Variants in PTPRN2 observed in about 807,000 individuals in gnomAD.
PTPRN2 encodes receptor-type tyrosine-protein phosphatase N2.
Under a neutral mutation model 118.8 loss-of-function variants are expected in PTPRN2, and 74 were observed. The observed-to-expected ratio is 0.62, with a 90% CI of 0.52 to 0.76. PTPRN2 has a LOEUF of 0.76. PTPRN2 is among the 30% of genes least tolerant of loss of function. The probability of loss-of-function intolerance (pLI) is 0.00; values close to 1 mark genes in which losing one functional copy is unlikely to be tolerated. For missense variants in PTPRN2, 1,481 were observed against 1,394.4 expected (o/e 1.06, Z -0.99); for synonymous variants, 641 against 608.0 (o/e 1.05, Z -0.80).
chr7:157,985,766 G>A (rs937477868), intron 11 of PTPRN2, among the ~76,000 whole-genome samples: 2 of 152,200 alleles, frequency 1.3e-5, no homozygotes, highest in Non-Finnish European at 2.9e-5. Context: ...CCTGAGGGAG[G>A]TGCACGGAAA....
chr7:158,449,779 T>C (rs745881285), intron 2 of PTPRN2, among the ~76,000 whole-genome samples: 2 of 152,228 alleles, frequency 1.3e-5, no homozygotes, highest in Non-Finnish European at 2.9e-5. Context: ...GACCCTTAGT[T>C]CATTCACAAT....
intron 2 of PTPRN2, among the ~76,000 whole-genome samples, chr7:158,445,970 C>T (rs1460430300): frequency 6.6e-6 from 1 of 152,180 alleles, no homozygotes; most frequent in African/African-American, 2.4e-5. Context: ...CCAGGACACT[C>T]AGCATGAGCA....
chr7:157,879,827 C>T (rs1009138055), intron 12 of PTPRN2, among the ~76,000 whole-genome samples: 2 of 136,278 alleles, frequency 1.5e-5, no homozygotes, highest in African/African-American at 2.8e-5. Flanking sequence ...TTAGATGAAA[C>T]GTCTTTGTTA....
intron 13 of PTPRN2, among the ~76,000 whole-genome samples, chr7:157,679,815 C>G (rs1011905504): frequency 1.3e-5 from 2 of 152,130 alleles, no homozygotes; most frequent in Admixed American, 1.3e-4. Context: ...CCCCCCAGGT[C>G]ACGCGGGAAG....
At chr7:158,355,213 G>T (rs1808295967) in intron 2 of PTPRN2, among the ~76,000 whole-genome samples, 1 of 152,180 alleles carries the variant, frequency 6.6e-6, no homozygotes, top group African/African-American at 2.4e-5. Flanking sequence ...ATCGAATGGG[G>T]CACTAAGAGG....
At chr7:158,169,200 C>T (rs973863152) in intron 5 of PTPRN2, among the ~76,000 whole-genome samples, 1 of 152,042 alleles carries the variant, frequency 6.6e-6, no homozygotes, top group African/African-American at 2.4e-5. Flanking sequence ...TGAGTAGCAA[C>T]CTGGGAGTTG....
intron 3 of PTPRN2, among the ~76,000 whole-genome samples, chr7:158,211,384 T>A (rs997658237): frequency 6.6e-6 from 1 of 151,996 alleles, no homozygotes; most frequent in African/African-American, 2.4e-5. Context: ...TGAAAAAACC[T>A]CTGCACAGCA....
At position 158,565,246 on chromosome 7, in the gene PTPRN2, G is replaced by T. The variant is rs1039875865; in HGVS notation, c.112+22312C>A. Among the ~76,000 whole-genome samples, 1 of 152,114 alleles carries T rather than the reference G, an allele frequency of 6.6e-6. No homozygotes were observed. Among genetic ancestry groups the T allele is most frequent in the Non-Finnish European group, 1.5e-5 (1 of 68,032 alleles). On this transcript the variant is annotated intron_variant, in intron 1 of 22. Transcript: ENST00000389418. The surrounding 1 kb of genome is among the most constrained non-coding windows in gnomAD (Gnocchi z 4.6). ...CTGCAATCTATACAGGCATATTTGT[G>T]GCTACATAAACATAGATTATCAGAA...
chr7:158,553,411 C>G (rs1436761707), intron 1 of PTPRN2, among the ~76,000 whole-genome samples: 1 of 151,264 alleles, frequency 6.6e-6, no homozygotes, highest in Non-Finnish European at 1.5e-5. Flanking sequence ...CCCTTATACA[C>G]ACACAGGCTT....
intron 5 of PTPRN2, among the ~76,000 whole-genome samples, chr7:158,187,386 G>A (rs1246524679): frequency 2.6e-5 from 4 of 152,144 alleles, no homozygotes; most frequent in African/African-American, 9.7e-5. Context: ...TTCAAAGATC[G>A]TCAGTATATA....
chr7:157,857,678 T>C (rs1329171416), intron 12 of PTPRN2: 1 of 152,308 alleles, frequency 6.6e-6, no homozygotes, highest in Non-Finnish European at 1.5e-5. Flanking sequence ...AGTAGAAAAG[T>C]TCACACAGCA....
At chr7:157,846,110 G>A (rs559642799) in intron 12 of PTPRN2, among the ~76,000 whole-genome samples, 318 of 152,188 alleles carry the variant, frequency 2.1e-3, no homozygotes, top group African/African-American at 7.3e-3. Flanking sequence ...GCCAGGAAGC[G>A]AGATTCACGG....
chr7:157,789,714 G>C (rs1804314873), intron 12 of PTPRN2, among the ~76,000 whole-genome samples: 1 of 148,068 alleles, frequency 6.8e-6, no homozygotes, highest in Non-Finnish European at 1.5e-5. Flanking sequence ...GGTGTGTGTG[G>C]TATGGTGTGT....
chr7:158,360,794 C>T (rs1201288767), intron 2 of PTPRN2, among the ~76,000 whole-genome samples: 4 of 1,030 alleles, frequency 3.9e-3, no homozygotes, highest in African/African-American at 0.015. Flanking sequence ...TCACCCAGGA[C>T]GACGCACAGA....
chr7:157,827,362 C>CTACAACACAA (rs147019716), intron 12 of PTPRN2, among the ~76,000 whole-genome samples: 1 of 146,600 alleles, frequency 6.8e-6, no homozygotes, highest in East Asian at 2.0e-4. Context: ...AAGCCAGAGA[C>CTACAACACAA]CACAACACAA....
At chr7:158,164,035 G>A (rs533839798) in intron 6 of PTPRN2, among the ~76,000 whole-genome samples, 1 of 152,208 alleles carries the variant, frequency 6.6e-6, no homozygotes, top group Non-Finnish European at 1.5e-5. Flanking sequence ...CACCAGCATC[G>A]CAGGGTAGCT....
At chr7:158,486,642 C>CT (rs1821050375) in intron 2 of PTPRN2, among the ~76,000 whole-genome samples, 1 of 152,216 alleles carries the variant, frequency 6.6e-6, no homozygotes, top group African/African-American at 2.4e-5. Context: ...CCCAGGGTCA[C>CT]TTTAAAGTTT....
At chr7:158,470,739 C>T (rs1365607726) in intron 2 of PTPRN2, among the ~76,000 whole-genome samples, 2 of 152,178 alleles carry the variant, frequency 1.3e-5, no homozygotes, top group Non-Finnish European at 2.9e-5. Context: ...GGAGCATTCA[C>T]CGAGGTGGAG....
At chr7:158,152,172 T>TAAAAAAAA (rs1230428184) in intron 6 of PTPRN2, among the ~76,000 whole-genome samples, 2 of 8,148 alleles carry the variant, frequency 2.5e-4, no homozygotes, top group African/African-American at 3.7e-4. Context: ...AGACTCTGTC[T>TAAAAAAAA]CAAAAAAAAA....
Sources: allele counts gnomAD v4.1 joint callset (sites outside exome capture counted in the v4.1 genomes callset), GRCh38; gene constraint gnomAD v4.1.1; non-coding constraint Gnocchi (gnomAD v3.1); transcripts MANE v1.5; gene names NCBI Gene and HGNC (gene_info 2026-07-23, HGNC 2026-07-21).